The following NRG1 variants were observed in gnomAD, a reference collection of about 807,000 sequenced individuals.
NRG1 encodes the protein pro-neuregulin-1, membrane-bound isoform.
NRG1 carries 18 observed loss-of-function variants against 63.8 expected under a neutral mutation model. The ratio of observed to expected loss-of-function variants is 0.28; its 90% CI spans 0.19 to 0.42. NRG1 has a LOEUF of 0.42. NRG1 is among the 10% of genes least tolerant of loss of function. The pLI is 1.00. For missense variants in NRG1, 762 were observed against 814.7 expected, an observed-to-expected ratio of 0.94 and a Z score of 0.79; for synonymous variants, 302 against 301.3, an observed-to-expected ratio of 1.00 and a Z score of -0.02.
intron 1 of NRG1, among the ~76,000 whole-genome samples, chr8:32,568,918 G>A (rs1392634267): frequency 2.0e-5 from 3 of 149,454 alleles, no homozygotes; most frequent in Admixed American, 6.7e-5. Context: ...AAGAACAAAA[G>A]TAATTCATCC....
chr8:31,655,371 A>G (rs1805329677), intron 1 of NRG1, among the ~76,000 whole-genome samples: 1 of 152,158 alleles, frequency 6.6e-6, no homozygotes, highest in Non-Finnish European at 1.5e-5. Flanking sequence ...GTGAACATAT[A>G]ACAGAAGAAT....
chr8:32,440,067 G>A (rs932764403), intron 1 of NRG1, among the ~76,000 whole-genome samples: 3 of 152,114 alleles, frequency 2.0e-5, no homozygotes, highest in East Asian at 1.9e-4. Flanking sequence ...CAATCATGGC[G>A]GAAGACAAAC....
chr8:31,684,734 G>A (rs1465776259), intron 1 of NRG1, among the ~76,000 whole-genome samples: 10 of 151,968 alleles, frequency 6.6e-5, no homozygotes, highest in African/African-American at 2.4e-4. Flanking sequence ...GTTTTAGGTG[G>A]CATAAATAAG....
chr8:31,647,158 T>TCACAGGTGTTTAGAAGAGAG (rs1804367725), intron 1 of NRG1, among the ~76,000 whole-genome samples: 1 of 152,262 alleles, frequency 6.6e-6, no homozygotes. Context: ...CTTGGATCTC[T>TCACAGGTGTTTAGAAGAGAG]CTTCACAGGT....
At chr8:32,107,362 G>C (rs1197669001) in intron 1 of NRG1, among the ~76,000 whole-genome samples, 2 of 152,246 alleles carry the variant, frequency 1.3e-5, no homozygotes, top group African/African-American at 4.8e-5. Context: ...TTTGCTTTCA[G>C]TTTACCTGAC....
intron 1 of NRG1, among the ~76,000 whole-genome samples, chr8:32,496,541 G>C (rs1827218255): frequency 6.6e-6 from 1 of 152,156 alleles, no homozygotes; most frequent in Non-Finnish European, 1.5e-5. Flanking sequence ...GGTGAGCTAT[G>C]ATTGAGCCAC....
chr8:32,148,344 A>G (rs1470242483), intron 1 of NRG1, among the ~76,000 whole-genome samples: 2 of 152,138 alleles, frequency 1.3e-5, no homozygotes, highest in African/African-American at 4.8e-5. Context: ...GGAAGTGGCA[A>G]ATGTTGAACT....
chr8:31,961,772 C>CA (rs1805494358), intron 1 of NRG1, among the ~76,000 whole-genome samples: 1 of 152,068 alleles, frequency 6.6e-6, no homozygotes, highest in African/African-American at 2.4e-5. Context: ...GATTCATAAA[C>CA]AATTATAACA....
At chr8:32,257,079 CACTGTGAGGGGAAA>C (rs552728418) in intron 1 of NRG1, among the ~76,000 whole-genome samples, 31 of 152,290 alleles carry the variant, frequency 2.0e-4, no homozygotes, top group Non-Finnish European at 3.5e-4. Context: ...GCTTTATTTA[CACTGTGAGGGGAAA>C]ACTGCCTACT....
intron 1 of NRG1, among the ~76,000 whole-genome samples, chr8:31,798,468 A>G (rs573838320): frequency 6.6e-6 from 1 of 152,178 alleles, no homozygotes; most frequent in South Asian, 2.1e-4. Context: ...GGATTTCATG[A>G]CTAATATCTT....
In NRG1 at chr8:32,470,835, C is replaced by T. The variant is rs191282894; in HGVS notation, c.38-124993C>T. On this transcript the variant is annotated intron_variant, in intron 1 of 10. Transcript: ENST00000519301. ...TTTCTTCTTCAGTCAGGGTTTTGCT[C>T]TGTAACCCAGTGGGGAAAGTGGCAT... Among the ~76,000 whole-genome samples, 332 of 151,816 alleles carry T rather than the reference C, an allele frequency of 2.2e-3. 1 individual carries two copies. Among genetic ancestry groups the T allele is most frequent in the Non-Finnish European group, 3.2e-3 (216 of 67,952 alleles).
intron 1 of NRG1, among the ~76,000 whole-genome samples, chr8:31,990,707 C>A (rs74626945): frequency 0.011 from 1,625 of 152,206 alleles, 26 homozygotes; most frequent in African/African-American, 0.035. Flanking sequence ...AGTGGCATCC[C>A]TTTTCTTCCT....
rs191047374 is a variant in NRG1 at position 32,726,281 on chromosome 8, C to A, written c.503-1668C>A. ...TATACATACCCAAATTAAGAGCCTT[C>A]CCTGCTTGCCCATTAATATTTGCTA... On this transcript the variant is annotated intron_variant, in intron 5 of 11. Transcript: ENST00000356819. 3.8e-3 allele frequency among the ~76,000 whole-genome samples: 580 copies of A among 152,174 alleles called. 5 individuals are homozygous for A. Among genetic ancestry groups the A allele is most frequent in the African/African-American group, 0.013 (547 of 41,512 alleles).
intron 1 of NRG1, among the ~76,000 whole-genome samples, chr8:32,107,001 G>T (rs1831356426): frequency 6.6e-6 from 1 of 152,108 alleles, no homozygotes; most frequent in Non-Finnish European, 1.5e-5. Flanking sequence ...GGCAGATCAT[G>T]AGGTCAGGAG....
At chr8:32,262,451 G>A (rs531948631) in intron 1 of NRG1, among the ~76,000 whole-genome samples, 3 of 152,264 alleles carry the variant, frequency 2.0e-5, no homozygotes, top group South Asian at 2.1e-4. Context: ...AAGTACTAGC[G>A]GTTTTGTAGA....
intron 1 of NRG1, among the ~76,000 whole-genome samples, chr8:31,971,325 T>C (rs1403084771): frequency 2.6e-5 from 4 of 152,218 alleles, no homozygotes; most frequent in Admixed American, 2.6e-4. Context: ...TTGCTTTTGC[T>C]GTAGTAGCTA....
intron 1 of NRG1, among the ~76,000 whole-genome samples, chr8:32,465,074 C>T (rs1189730137): frequency 6.6e-6 from 1 of 152,140 alleles, no homozygotes; most frequent in African/African-American, 2.4e-5. Flanking sequence ...ACCCAGGAGG[C>T]TGAAGCAAGA....
chr8:32,008,115 T>C lies in NRG1; in HGVS notation c.37+368684T>C, dbSNP rs1814086331. On this transcript the variant is annotated intron_variant, in intron 1 of 10. Transcript: ENST00000519301. ...TTCTTATAAAAAATGAGTCTGTTGA[T>C]GTAGTCTTCTGAAGCATTAAGATAT... is the stretch of plus-strand genomic sequence containing the variant. Among the ~76,000 whole-genome samples, 3 of 152,064 alleles carry C rather than the reference T, an allele frequency of 2.0e-5. No individual in the cohort carries two copies. The South Asian group carries it at 6.2e-4, about 31-fold the overall frequency.
At chr8:32,473,684 G>A (rs1318354990) in intron 1 of NRG1, among the ~76,000 whole-genome samples, 1 of 151,994 alleles carries the variant, frequency 6.6e-6, no homozygotes, top group Non-Finnish European at 1.5e-5. Flanking sequence ...TTTATTTTAT[G>A]TTTTTTGTTT....
Sources: allele counts gnomAD v4.1 joint callset (sites outside exome capture counted in the v4.1 genomes callset), GRCh38; gene constraint gnomAD v4.1.1; transcripts MANE v1.5; gene names NCBI Gene and HGNC (gene_info 2026-07-23, HGNC 2026-07-21).